Variants in TFB1M observed in about 807,000 individuals in gnomAD.
TFB1M encodes the protein dimethyladenosine transferase 1, mitochondrial.
Under a neutral mutation model 31.1 loss-of-function variants are expected in TFB1M, and 27 were observed. The ratio of observed to expected loss-of-function variants is 0.87; its 90% CI spans 0.64 to 1.20. TFB1M has a LOEUF of 1.20. Ranked by LOEUF, TFB1M falls within the 50% of genes most tolerant of loss-of-function variation. The pLI is 0.00. For synonymous variants in TFB1M, 166 were observed against 151.8 expected (o/e 1.09, Z -0.69); for missense variants, 394 against 418.7 (o/e 0.94, Z 0.51).
chr6:155,244,128 T>C, the TFB1M span: 1 of 1,551,950 alleles, frequency 6.4e-7, no homozygotes, highest in South Asian at 1.1e-5. Context: ...GGTTAGTCTC[T>C]GTTTGCCTTT....
chr6:155,237,595 A>G, the TFB1M span, among the ~76,000 whole-genome samples: 2 of 152,062 alleles, frequency 1.3e-5, no homozygotes, highest in Non-Finnish European at 1.5e-5. Flanking sequence ...AGGCATTTCC[A>G]TACATTCTCT....
At chr6:155,310,552 T>TG (rs1777970454) in intron 2 of TFB1M, among the ~76,000 whole-genome samples, 1 of 152,198 alleles carries the variant, frequency 6.6e-6, no homozygotes, top group Non-Finnish European at 1.5e-5. Flanking sequence ...CAGGGCCTCT[T>TG]TTCTCCAGTT....
downstream of TFB1M, chr6:155,252,032 C>T (rs1194096564): frequency 1.3e-6 from 2 of 1,558,114 alleles, no homozygotes; most frequent in Non-Finnish European, 1.8e-6. Flanking sequence ...TTAATTTAAG[C>T]TACCTTTTCA....
rs370451930 is a variant in TFB1M at position 155,314,378 on chromosome 6, C to T, written c.51G>A (p.Thr17=). ...LSTCRLPPLP[T]IREIIKLLRL... is the part of the protein sequence containing the mutation. Reference sequence around the variant, plus strand: ...TTAACAACTTAATGATTTCTCGAATCGTGGGCAACGGAGGGAGACGGCAAG... The same window carrying T: ...TTAACAACTTAATGATTTCTCGAATTGTGGGCAACGGAGGGAGACGGCAAG... The change falls in exon 1 of 7, where the codon ACG becomes ACA. Residue 17 remains threonine (T), a synonymous_variant. Transcript: ENST00000367166. The T allele has an allele frequency of 8.9e-5, 143 of 1,614,120 alleles. No homozygotes were observed. The highest frequency in any genetic ancestry group is 1.7e-4 in the Admixed American group (10 of 60,016).
intron 4 of TFB1M, among the ~76,000 whole-genome samples, chr6:155,292,983 C>T (rs324361): frequency 0.62 from 94,138 of 151,842 alleles, 29,930 homozygotes; most frequent in East Asian, 0.98. Flanking sequence ...CATGCAGCAC[C>T]GGACCTGGCT....
rs756521483 is a variant in TFB1M, at chr6:155,298,524, T to C, written c.347A>G (p.Lys116Arg). 1.2e-6 allele frequency: 2 copies of C among 1,613,398 alleles called. No individual in the cohort carries two copies. Among genetic ancestry groups the C allele is most frequent in the Admixed American group, 1.7e-5 (1 of 59,998 alleles). Residue 116 changes from lysine to arginine, a missense_variant, in exon 3 of 7, where the codon AAG becomes AGG. Coordinates refer to ENST00000367166, the MANE Select transcript of TFB1M (RefSeq NM_016020.4). Reference sequence around the variant, plus strand: ...ACTTTCTGAAAAAGCCTTTTCTACCTTAAATGTCAAGACATCTCCATGAAC... The same window carrying C: ...ACTTTCTGAAAAAGCCTTTTCTACCCTAAATGTCAAGACATCTCCATGAAC... ...RIVHGDVLTFKVEKAFSESLK... is the reference protein window; with the variant it reads ...RIVHGDVLTFRVEKAFSESLK...
chr6:155,302,267 G>A (rs1777463031), intron 2 of TFB1M, among the ~76,000 whole-genome samples: 2 of 152,116 alleles, frequency 1.3e-5, no homozygotes, highest in African/African-American at 4.8e-5. Context: ...TTCCTGATTT[G>A]CCACATAGTA....
At chr6:155,235,323 G>A in the TFB1M span, among the ~76,000 whole-genome samples, 1 of 152,236 alleles carries the variant, frequency 6.6e-6, no homozygotes, top group Admixed American at 6.5e-5. Flanking sequence ...GGACACTGAA[G>A]ACTTAGAATC....
At chr6:155,314,259 T>C (rs1203792320) in intron 1 of TFB1M, 37 bp downstream of exon 1, 7 of 1,610,792 alleles carry the variant, frequency 4.3e-6, no homozygotes, top group Non-Finnish European at 5.1e-6. Context: ...CCACGGACAC[T>C]GGGGAGACAT....
intron 5 of TFB1M, among the ~76,000 whole-genome samples, chr6:155,275,290 C>T (rs1388091546): frequency 6.6e-6 from 1 of 152,178 alleles, no homozygotes; most frequent in East Asian, 1.9e-4. Context: ...AATTCTTTAT[C>T]AGATACTATA....
At chr6:155,279,531 T>C (rs1230353325) in intron 5 of TFB1M, among the ~76,000 whole-genome samples, 2 of 152,186 alleles carry the variant, frequency 1.3e-5, no homozygotes, top group Non-Finnish European at 2.9e-5. Context: ...CCCACTAGGG[T>C]AGTTAGACAG....
intron 2 of TFB1M, among the ~76,000 whole-genome samples, chr6:155,305,150 AAATATATATTAAATTATATATTTAT>A (rs1458475457): frequency 8.9e-6 from 1 of 111,958 alleles, no homozygotes; most frequent in Non-Finnish European, 1.7e-5. Flanking sequence ...TTATATATAT[AAATATATATTAAATTATATATTTAT>A]ATATATATTA....
intron 5 of TFB1M, among the ~76,000 whole-genome samples, chr6:155,266,163 T>C (rs1025626155): frequency 6.6e-6 from 1 of 152,124 alleles, no homozygotes; most frequent in Non-Finnish European, 1.5e-5. Flanking sequence ...TCCAATCAAG[T>C]TGACACTCAG....
chr6:155,276,745 G>T (rs1785243115), intron 5 of TFB1M, among the ~76,000 whole-genome samples: 2 of 152,126 alleles, frequency 1.3e-5, no homozygotes, highest in Admixed American at 1.3e-4. Context: ...CCTTGCCCTG[G>T]TGTTAACCAA....
At chr6:155,243,514 T>G in the TFB1M span, among the ~76,000 whole-genome samples, 1 of 152,162 alleles carries the variant, frequency 6.6e-6, no homozygotes, top group African/African-American at 2.4e-5. Flanking sequence ...TTAAACTCTT[T>G]GAATTAGGTG....
chr6:155,240,284 A>C, the TFB1M span, among the ~76,000 whole-genome samples: 1 of 152,240 alleles, frequency 6.6e-6, no homozygotes, highest in African/African-American at 2.4e-5. Context: ...GATACATCTA[A>C]CAGCTGATGT....
At chr6:155,260,645 T>C (rs1037049143) in intron 5 of TFB1M, 5 of 551,392 alleles carry the variant, frequency 9.1e-6, no homozygotes, top group African/African-American at 5.7e-5. Context: ...CTGTGCTTGA[T>C]GGTCACTTAA....
intron 4 of TFB1M, among the ~76,000 whole-genome samples, chr6:155,292,322 A>C (rs1776966228): frequency 6.6e-6 from 1 of 152,064 alleles, no homozygotes; most frequent in Admixed American, 6.6e-5. Flanking sequence ...AGGGAGAGAG[A>C]ATGTGAGGCA....
chr6:155,284,848 GACC>G (rs1776551974), intron 5 of TFB1M, among the ~76,000 whole-genome samples: 1 of 152,190 alleles, frequency 6.6e-6, no homozygotes, highest in Non-Finnish European at 1.5e-5. Flanking sequence ...AATATTGGGT[GACC>G]GTGTAACTTA....
Sources: allele counts gnomAD v4.1 joint callset (sites outside exome capture counted in the v4.1 genomes callset), GRCh38; gene constraint gnomAD v4.1.1; transcripts MANE v1.5; gene names NCBI Gene and HGNC (gene_info 2026-07-23, HGNC 2026-07-21).